The following ESRP1 variants were observed in gnomAD, a reference collection of about 807,000 sequenced individuals.
ESRP1 encodes the protein RNA-binding motif protein 35A.
A neutral mutation model predicts 81.7 loss-of-function variants in ESRP1; 33 were observed. That is an observed-to-expected ratio of 0.40 (90% confidence interval 0.31 to 0.54). The LOEUF is 0.54. Ranked by LOEUF, ESRP1 falls within the 20% of genes least tolerant of loss-of-function variation. The probability of loss-of-function intolerance (pLI) is 0.41; values close to 1 mark genes in which losing one functional copy is unlikely to be tolerated. For synonymous variants in ESRP1, 320 were observed against 303.3 expected, an observed-to-expected ratio of 1.06 and a Z score of -0.57; for missense variants, 672 against 833.1, an observed-to-expected ratio of 0.81 and a Z score of 2.38.
At chr8:94,685,951 T>G (rs1266087505) in intron 13 of ESRP1, among the ~76,000 whole-genome samples, 1 of 152,118 alleles carries the variant, frequency 6.6e-6, no homozygotes, top group East Asian at 1.9e-4. Flanking sequence ...AATACCTATA[T>G]ATGTTGTTTT....
At chr8:94,642,471 G>A (rs1817660154) in intron 2 of ESRP1, among the ~76,000 whole-genome samples, 1 of 152,268 alleles carries the variant, frequency 6.6e-6, no homozygotes, top group Non-Finnish European at 1.5e-5. Flanking sequence ...TCGGGCAGGG[G>A]GCGCTGTGGC....
At chr8:94,682,950 T>TC (rs1808979960) in intron 13 of ESRP1, among the ~76,000 whole-genome samples, 1 of 97,484 alleles carries the variant, frequency 1.0e-5, no homozygotes, top group Non-Finnish European at 2.0e-5. Flanking sequence ...TTTTTTTTTT[T>TC]TTTTTTTTTT....
At chr8:94,676,495 T>G (rs903723188) in intron 12 of ESRP1, among the ~76,000 whole-genome samples, 8 of 150,840 alleles carry the variant, frequency 5.3e-5, no homozygotes, top group East Asian at 1.9e-4. Flanking sequence ...GCATGTGTGG[T>G]TTTTTTTTGT....
At chr8:94,650,881 A>G (rs1354484993) in intron 4 of ESRP1, among the ~76,000 whole-genome samples, 7 of 151,862 alleles carry the variant, frequency 4.6e-5, no homozygotes, top group South Asian at 2.1e-4. Flanking sequence ...AATTTTTTGT[A>G]TTTTTAGTAG....
At chr8:94,700,283 C>A (rs1242152942) in intron 15 of ESRP1, among the ~76,000 whole-genome samples, 3 of 152,070 alleles carry the variant, frequency 2.0e-5, no homozygotes, top group Non-Finnish European at 4.4e-5. Context: ...TAATGAGGTT[C>A]TTGAGAGGAA....
intron 4 of ESRP1, among the ~76,000 whole-genome samples, chr8:94,653,305 T>C (rs966708055): frequency 2.0e-5 from 3 of 152,176 alleles, no homozygotes; most frequent in African/African-American, 4.8e-5. Flanking sequence ...TAGGTTACAA[T>C]TGGGGATAAT....
intron 12 of ESRP1, among the ~76,000 whole-genome samples, chr8:94,676,826 ACTGTC>A (rs1288567087): frequency 6.6e-6 from 1 of 151,588 alleles, no homozygotes; most frequent in African/African-American, 2.4e-5. Context: ...GGTGTGAGGC[ACTGTC>A]CTGTAATGAA....
intron 14 of ESRP1, among the ~76,000 whole-genome samples, chr8:94,693,276 T>G (rs1011882153): frequency 1.3e-5 from 2 of 152,060 alleles, no homozygotes; most frequent in East Asian, 3.9e-4. Flanking sequence ...AAAAAAAAAA[T>G]TGCCTAACTC....
intron 13 of ESRP1, among the ~76,000 whole-genome samples, chr8:94,681,116 G>C (rs528484441): frequency 4.6e-5 from 7 of 151,446 alleles, no homozygotes; most frequent in South Asian, 4.2e-4. Flanking sequence ...ACGAGGTCAG[G>C]AGATAGAGAC....
In ESRP1 at chr8:94,641,223, C is replaced by A; in HGVS notation, c.-96C>A. On this transcript the variant is annotated 5_prime_UTR_variant, in exon 1 of 16. Coordinates refer to ENST00000433389, the MANE Select transcript of ESRP1 (RefSeq NM_017697.4). The stretch of plus-strand genomic sequence containing the variant: ...AGGGGGGTGGGCGCTCTTTCTTTTT[C>A]TCTTAGAAGAGGGTTTAGCACAGGT... 8.1e-7 allele frequency: 1 copy of A among 1,238,550 alleles called. No individual in the cohort carries two copies. The highest frequency in any genetic ancestry group is 1.1e-6 in the Non-Finnish European group (1 of 903,912). The allele number at this position is 1,238,550 out of a possible 1,614,324, so 76.7% of individuals were successfully genotyped here.
In ESRP1 at chr8:94,674,446, G is replaced by C; in HGVS notation, c.1591G>C (p.Val531Leu). ...GTGTTCAGCTGAGGAGATGAACTTT[G>C]TGTTAATGGGGGGCACTTTAAATCG... ...FQCSAEEMNF[V>L]LMGGTLNRNG... is the part of the protein sequence containing the mutation. Residue 531 changes from valine (V) to leucine (L), a missense_variant, in exon 12 of 16, where the codon GTG (valine) becomes CTG (leucine). Coordinates refer to ENST00000433389, the MANE Select transcript of ESRP1 (RefSeq NM_017697.4). The C allele has an allele frequency of 6.2e-7, 1 of 1,613,932 alleles. No homozygotes were observed. Among genetic ancestry groups the C allele is most frequent in the Non-Finnish European group, 8.5e-7 (1 of 1,179,872 alleles).
intron 12 of ESRP1, 81 bp from the exon 13 acceptor site, chr8:94,678,122 C>T (rs569749542): frequency 2.1e-6 from 3 of 1,421,614 alleles, no homozygotes; most frequent in South Asian, 2.6e-5. Flanking sequence ...GTAGATGGAA[C>T]AGTGACTATG....
intron 15 of ESRP1, among the ~76,000 whole-genome samples, chr8:94,702,441 A>C (rs73695577): frequency 0.02 from 3,088 of 152,338 alleles, 97 homozygotes; most frequent in African/African-American, 0.069. Flanking sequence ...AGTTAATTAC[A>C]TGAAAAAATA....
At chr8:94,694,127 T>C (rs553402649) in intron 14 of ESRP1, among the ~76,000 whole-genome samples, 13 of 152,342 alleles carry the variant, frequency 8.5e-5, no homozygotes, top group South Asian at 6.2e-4. Context: ...TTTTGACTTG[T>C]GTATTTTATT....
intron 4 of ESRP1, among the ~76,000 whole-genome samples, chr8:94,658,401 G>A (rs1342123894): frequency 6.6e-6 from 1 of 152,142 alleles, no homozygotes; most frequent in Admixed American, 6.5e-5. Context: ...GGAAGATGGG[G>A]GCCTACACCC....
chr8:94,672,384 C>T (rs973713809), intron 11 of ESRP1, among the ~76,000 whole-genome samples: 2 of 152,042 alleles, frequency 1.3e-5, no homozygotes, highest in Non-Finnish European at 2.9e-5. Context: ...CTTCCATATG[C>T]AAATGTAAAG....
chr8:94,644,676 G>A (rs1193094174), intron 3 of ESRP1, among the ~76,000 whole-genome samples: 3 of 152,166 alleles, frequency 2.0e-5, no homozygotes, highest in African/African-American at 4.8e-5. Flanking sequence ...CATTATTTAG[G>A]TGGAGTGCTT....
At chr8:94,671,349 G>A in intron 10 of ESRP1, 104 bp from the exon 11 acceptor site, 1 of 873,964 alleles carries the variant, frequency 1.1e-6, no homozygotes. Context: ...GGGGTGAGCT[G>A]GATTCTGCAT....
intron 3 of ESRP1, 128 bp from the exon 4 acceptor site, chr8:94,646,039 AC>A (rs1362163388): frequency 2.4e-5 from 13 of 532,014 alleles, no homozygotes; most frequent in Non-Finnish European, 3.9e-5. Flanking sequence ...AAATAAATCT[AC>A]TTTTACATTA....
Sources: gnomAD v4.1 joint callset for allele counts (sites outside exome capture counted in the v4.1 genomes callset) on GRCh38, gnomAD v4.1.1 for gene constraint, MANE v1.5 for transcripts, NCBI Gene and HGNC (gene_info 2026-07-23, HGNC 2026-07-21) for gene names.